Variants in RNF19A observed in about 807,000 individuals in gnomAD.
The protein encoded by RNF19A is E3 ubiquitin-protein ligase RNF19A.
Under a neutral mutation model 75.7 loss-of-function variants are expected in RNF19A, and 32 were observed. That is an observed-to-expected ratio of 0.42 (90% CI 0.32 to 0.57). The LOEUF (loss-of-function observed/expected upper bound fraction) is 0.57. Among genes scored for constraint, RNF19A ranks in the 20% least tolerant of loss-of-function variants. The probability of loss-of-function intolerance (pLI) is 0.10; values close to 1 mark genes in which losing one functional copy is unlikely to be tolerated. For missense variants in RNF19A, 782 were observed against 1,036.3 expected, an observed-to-expected ratio of 0.75 and a Z score of 3.37; for synonymous variants, 335 against 345.2, an observed-to-expected ratio of 0.97 and a Z score of 0.33.
intron 1 of RNF19A, among the ~76,000 whole-genome samples, chr8:100,291,631 A>G (rs573818443): frequency 1.3e-5 from 2 of 152,350 alleles, no homozygotes; most frequent in African/African-American, 4.8e-5. Flanking sequence ...CTGGAAATGA[A>G]GAAGGCAGGG....
intron 3 of RNF19A, among the ~76,000 whole-genome samples, chr8:100,273,430 T>C (rs1376284186): frequency 6.6e-6 from 1 of 152,220 alleles, no homozygotes; most frequent in Admixed American, 6.5e-5. Flanking sequence ...AAAGCAACTT[T>C]TAGTCATTCT....
At chr8:100,283,837 T>G (rs887738129) in intron 2 of RNF19A, among the ~76,000 whole-genome samples, 1 of 152,230 alleles carries the variant, frequency 6.6e-6, no homozygotes, top group East Asian at 1.9e-4. Context: ...ACTACCTATA[T>G]GCCTATGGTC....
Position 100,287,653 on chromosome 8 carries a change from A to G in RNF19A, c.522T>C (p.Ile174=). 1 of 1,614,126 alleles carries G rather than the reference A, an allele frequency of 6.2e-7. No individual in the cohort carries two copies. The highest frequency in any genetic ancestry group is 8.5e-7 in the Non-Finnish European group (1 of 1,179,984). The change falls in exon 2 of 10, where the codon ATT becomes ATC. Residue 174 remains isoleucine, a synonymous_variant. Coordinates refer to ENST00000341084, the MANE Select transcript of RNF19A (RefSeq NM_183419.4). The surrounding 1 kb of genome is among the most constrained non-coding windows in gnomAD (Gnocchi z 4.1). ...RIEISESRVN[I]SCPECTERFN... ...ACCGTTCAGTACATTCTGGGCAACTAATATTAACTCTGCTTTCAGAGATTT... is the reference window on the plus strand; with the variant it reads ...ACCGTTCAGTACATTCTGGGCAACTGATATTAACTCTGCTTTCAGAGATTT...
intron 2 of RNF19A, among the ~76,000 whole-genome samples, chr8:100,282,533 G>A (rs1300319200): frequency 6.6e-6 from 1 of 152,150 alleles, no homozygotes; most frequent in East Asian, 1.9e-4. Flanking sequence ...ATGTATGTGT[G>A]TTCTAACACA....
chr8:100,268,476 G>A, intron 5 of RNF19A: 1 of 200,678 alleles, frequency 5.0e-6, no homozygotes, highest in Non-Finnish European at 1.0e-5. Flanking sequence ...ACCTTACAAG[G>A]ATATACCTAT....
At position 100,264,557 on chromosome 8, in the gene RNF19A, C is replaced by T. The variant is rs866391773; in HGVS notation, c.1306+114G>A. ...CTGTAATACTTTCAACCAAGACTTA[C>T]TGCAGGCTCAATTTAAATTGTCCTC... On this transcript the variant is annotated intron_variant, in intron 6 of 9. Transcript: ENST00000341084. This position sits in a 1 kb window ranked among gnomAD's most constrained non-coding sequence, Gnocchi z 4.7. The T allele has an allele frequency of 5.6e-5, 40 of 713,778 alleles. No individual in the cohort carries two copies. The Middle Eastern group carries it at 5.4e-3, about 96-fold the overall frequency. The allele number at this position is 713,778 out of a possible 1,614,324, so 44.2% of individuals were successfully genotyped here. A position where few individuals can be genotyped will look rare whatever the true frequency, so the allele number is the denominator to read the frequency against.
Position 100,325,770 on chromosome 8 carries a change from C to A in RNF19A, c.-243+10338G>T, listed in dbSNP as rs942072919. Among the ~76,000 whole-genome samples, 9 of 151,916 alleles carry A rather than the reference C, an allele frequency of 5.9e-5. No homozygotes were observed. Among genetic ancestry groups the A allele is most frequent in the African/African-American group, 2.2e-4 (9 of 41,352 alleles). On this transcript the variant is annotated intron_variant, in intron 1 of 3. Coordinates refer to the RNF19A transcript ENST00000519527. The surrounding 1 kb of genome is among the most constrained non-coding windows in gnomAD (Gnocchi z 4.3). Reference sequence around the variant, plus strand: ...TATTTATGTGTGAGTATGTATTACACACACACACACACATTTATATCCATA... The same window carrying A: ...TATTTATGTGTGAGTATGTATTACAAACACACACACACATTTATATCCATA...
At position 100,257,192 on chromosome 8, in the gene RNF19A, T is replaced by C. The variant is rs1327298269; in HGVS notation, c.*1364A>G. The C allele has an allele frequency of 6.5e-6, 1 of 152,778 alleles. No homozygotes were observed. The highest frequency in any genetic ancestry group is 6.5e-5 in the Admixed American group (1 of 15,304). 9.5% of individuals were successfully genotyped at this position (152,778 alleles called of 1,614,324 possible). On this transcript the variant is annotated 3_prime_UTR_variant, in exon 10 of 10. Coordinates refer to ENST00000341084, the MANE Select transcript of RNF19A (RefSeq NM_183419.4). Reference sequence around the variant, plus strand: ...AATAAAATAACTGGCACTAGTGTTATAAGCATATTAATGGACCTGGTAGGG... The same window carrying C: ...AATAAAATAACTGGCACTAGTGTTACAAGCATATTAATGGACCTGGTAGGG...
intron 1 of RNF19A, among the ~76,000 whole-genome samples, chr8:100,328,391 A>G (rs2130391405): frequency 6.6e-6 from 1 of 152,252 alleles, no homozygotes; most frequent in South Asian, 2.1e-4. Context: ...TTGTCTGTCA[A>G]CATGCACAGG....
At chr8:100,321,583 T>C (rs374228079) in intron 1 of RNF19A, among the ~76,000 whole-genome samples, 1 of 152,250 alleles carries the variant, frequency 6.6e-6, no homozygotes, top group Admixed American at 6.5e-5. Flanking sequence ...TTTGAACGCT[T>C]CCCATGAATG....
At chr8:100,291,967 C>CTTTT (rs56737985) in intron 1 of RNF19A, among the ~76,000 whole-genome samples, 6 of 99,982 alleles carry the variant, frequency 6.0e-5, no homozygotes, top group Non-Finnish European at 1.2e-4. Flanking sequence ...AGGACTAAGT[C>CTTTT]TTTTTTTTTT....
chr8:100,275,137 A>G lies in RNF19A; in HGVS notation c.699T>C (p.Cys233=). 6.2e-7 allele frequency: 1 copy of G among 1,614,154 alleles called. No homozygotes were observed. The highest frequency in any genetic ancestry group is 1.3e-5 in the African/African-American group (1 of 75,052). ...DCGYAVIAFG[C]ASCPKLTCGR... is the part of the protein sequence containing the mutation. Reference sequence around the variant, plus strand: ...CACAAGTTAATTTTGGACAGCTGGCACATCCAAATGCTATCACAGCATATC... The same window carrying G: ...CACAAGTTAATTTTGGACAGCTGGCGCATCCAAATGCTATCACAGCATATC... The change falls in exon 3 of 10, where the codon TGT becomes TGC. Residue 233 remains cysteine (C), a synonymous_variant. Coordinates refer to ENST00000341084, the MANE Select transcript of RNF19A (RefSeq NM_183419.4). The surrounding 1 kb of genome is among the most constrained non-coding windows in gnomAD (Gnocchi z 4.3).
chr8:100,291,086 G>A (rs1213921944), intron 1 of RNF19A, among the ~76,000 whole-genome samples: 1 of 152,104 alleles, frequency 6.6e-6, no homozygotes, highest in African/African-American at 2.4e-5. Context: ...ATAAAGAAGA[G>A]AACTTGGGAG....
chr8:100,315,048 G>A (rs567658195), intron 1 of RNF19A, among the ~76,000 whole-genome samples: 4 of 152,302 alleles, frequency 2.6e-5, no homozygotes, highest in South Asian at 2.1e-4. Flanking sequence ...GCTGGCACAT[G>A]CCTGTAATCC....
intron 5 of RNF19A, among the ~76,000 whole-genome samples, chr8:100,266,334 C>T (rs980645017): frequency 1.3e-5 from 2 of 152,138 alleles, no homozygotes; most frequent in African/African-American, 4.8e-5. Flanking sequence ...TAACTGTACC[C>T]TATGACCTGA....
intron 5 of RNF19A, among the ~76,000 whole-genome samples, chr8:100,268,229 C>T (rs1820080876): frequency 6.6e-6 from 1 of 151,904 alleles, no homozygotes; most frequent in African/African-American, 2.4e-5. Context: ...AACAAAAGAA[C>T]TATTTGCTTA....
rs1240260846 is a variant in RNF19A at position 100,287,755 on chromosome 8, A to G, written c.420T>C (p.Ser140=). Residue 140 remains serine (S), a synonymous_variant, in exon 2 of 10, where the codon TCT becomes TCC. Coordinates refer to ENST00000341084, the MANE Select transcript of RNF19A (RefSeq NM_183419.4). This position sits in a 1 kb window ranked among gnomAD's most constrained non-coding sequence, Gnocchi z 4.1. ...IECPLCLLRH[S]KDRFPDIMTC... ...TCATTATATCAGGAAATCTGTCTTT[A>G]GAATGCCGCAAAAGGCACAAAGGGC... 6.2e-7 allele frequency: 1 copy of G among 1,614,172 alleles called. No homozygotes were observed. Among genetic ancestry groups the G allele is most frequent in the Non-Finnish European group, 8.5e-7 (1 of 1,180,036 alleles).
Position 100,331,207 on chromosome 8 carries a change from G to A in RNF19A, c.-243+4901C>T, listed in dbSNP as rs1241492908. 6.6e-6 allele frequency among the ~76,000 whole-genome samples: 1 copy of A among 152,226 alleles called. No homozygotes were observed. The highest frequency in any genetic ancestry group is 1.5e-5 in the Non-Finnish European group (1 of 68,036). ...AAAGGAAAGAACACTTGACACAGCT[G>A]TATCTGAATCTCAGTTTGGAGAGAA... On this transcript the variant is annotated intron_variant, in intron 1 of 3. Transcript: ENST00000519527. The surrounding 1 kb of genome is among the most constrained non-coding windows in gnomAD (Gnocchi z 5.2).
In RNF19A at chr8:100,269,642, T is replaced by C. The variant is rs574777487; in HGVS notation, c.1028+227A>G. On this transcript the variant is annotated intron_variant, in intron 4 of 9. Coordinates refer to ENST00000341084, the MANE Select transcript of RNF19A (RefSeq NM_183419.4). The surrounding 1 kb of genome is among the most constrained non-coding windows in gnomAD (Gnocchi z 5.7). The stretch of plus-strand genomic sequence containing the variant: ...ATTACACAGGGTATTACATACTTAC[T>C]AGCATTCTAGTTTAACAAAAACAAA... Among the ~76,000 whole-genome samples the C allele has an allele frequency of 6.6e-6, 1 of 152,274 alleles. No individual in the cohort carries two copies. The highest frequency in any genetic ancestry group is 2.4e-5 in the African/African-American group (1 of 41,566).
Sources: allele counts gnomAD v4.1 joint callset (sites outside exome capture counted in the v4.1 genomes callset), GRCh38; gene constraint gnomAD v4.1.1; non-coding constraint Gnocchi (gnomAD v3.1); transcripts MANE v1.5; gene names NCBI Gene and HGNC (gene_info 2026-07-23, HGNC 2026-07-21).